AOC3: variants seen among roughly 807,000 people sequenced by gnomAD.
AOC3 encodes the protein amine oxidase [copper-containing] 3.
A neutral mutation model predicts 55.4 loss-of-function variants in AOC3; 47 were observed. The observed-to-expected ratio is 0.85, with a 90% CI of 0.67 to 1.08. AOC3 has a LOEUF of 1.08. AOC3 is among the 50% of genes least tolerant of loss of function. The pLI is 0.00. For missense variants in AOC3, 853 were observed against 993.1 expected, an observed-to-expected ratio of 0.86 and a Z score of 1.90; for synonymous variants, 386 against 410.7, an observed-to-expected ratio of 0.94 and a Z score of 0.73.
rs558176347 is a variant in AOC3, at chr17:42,852,494, A to C, written c.1151A>C (p.Tyr384Ser). Residue 384 changes from tyrosine to serine, a missense_variant, in exon 1 of 4, where the codon TAT becomes TCT. Coordinates refer to ENST00000308423, the MANE Select transcript of AOC3 (RefSeq NM_003734.4). ...TCCCCAGCAGCAATGACGACCCGCT[A>C]TGTGGATGGAGGCTTTGGCATGGGC... ...GNSPAAMTTR[Y>S]VDGGFGMGKY... is the part of the protein sequence containing the mutation. The C allele has an allele frequency of 2.5e-6, 4 of 1,614,092 alleles. No individual in the cohort carries two copies. The highest frequency in any genetic ancestry group is 3.4e-6 in the Non-Finnish European group (4 of 1,180,042).
chr17:42,854,640 G>A lies in AOC3; in HGVS notation c.1793G>A (p.Gly598Asp), dbSNP rs1353785439. The change falls in exon 2 of 4, where the codon GGT becomes GAT. Residue 598 changes from glycine to aspartate, a missense_variant. Physicochemically the swap from Gly to Asp is moderately conservative, Grantham distance 94. Coordinates refer to ENST00000308423, the MANE Select transcript of AOC3 (RefSeq NM_003734.4). ...GCCAGCAACCACAGCAACAAGTGGGGTCACCCCCGGGGCTACCGCATCCAG... is the reference window on the plus strand; with the variant it reads ...GCCAGCAACCACAGCAACAAGTGGGATCACCCCCGGGGCTACCGCATCCAG... ...YLASNHSNKW[G>D]HPRGYRIQML... 3.8e-6 allele frequency: 6 copies of A among 1,580,122 alleles called. No individual in the cohort carries two copies. The highest frequency in any genetic ancestry group is 2.7e-5 in the African/African-American group (2 of 73,826).
chr17:42,857,818 G>A lies in AOC3; in HGVS notation c.*1268G>A, dbSNP rs1401477639. 2 of 152,196 alleles carry A rather than the reference G, an allele frequency of 1.3e-5. No homozygotes were observed. The highest frequency in any genetic ancestry group is 2.4e-5 in the African/African-American group (1 of 41,448). 9.4% of individuals were successfully genotyped at this position (152,196 alleles called of 1,614,324 possible). ...CAGCCTTACAATACAATAGTATGCA[G>A]CTAAAAAATAATTGTATGTCTTTAT... On this transcript the variant is annotated 3_prime_UTR_variant, in exon 4 of 4. Coordinates refer to ENST00000308423, the MANE Select transcript of AOC3 (RefSeq NM_003734.4).
Position 42,856,735 on chromosome 17 carries a change from A to C in AOC3, c.*185A>C, listed in dbSNP as rs35890226. The C allele has an allele frequency of 3.8e-5, 26 of 679,978 alleles. No individual in the cohort carries two copies. The highest frequency in any genetic ancestry group is 3.8e-4 in the African/African-American group (21 of 55,318). 42.1% of individuals were successfully genotyped at this position (679,978 alleles called of 1,614,324 possible). ...CTCCTGACCCTGTGATGCCTGACAC[A>C]GGGGACACTGAACCTTGTTGATGCC... On this transcript the variant is annotated 3_prime_UTR_variant, in exon 4 of 4. Coordinates refer to ENST00000308423, the MANE Select transcript of AOC3 (RefSeq NM_003734.4).
At chr17:42,853,091 G>T in intron 1 of AOC3, 148 bp downstream of exon 1, 1 of 1,340,750 alleles carries the variant, frequency 7.5e-7, no homozygotes, top group Non-Finnish European at 9.9e-7. Context: ...GTTGGCTGCT[G>T]AGTTTTATTT....
chr17:42,851,431 G>A lies in AOC3; in HGVS notation c.88G>A (p.Gly30Arg), dbSNP rs1398969692. ...LVCVLLVGRGGDGGEPSQLPH... is the reference protein window; with the variant it reads ...LVCVLLVGRGRDGGEPSQLPH... ...TTGTGTCCTGCTGGTGGGCAGGGGT[G>A]GAGATGGGGGTGAACCCAGCCAGCT... The change falls in exon 1 of 4, where the codon GGA becomes AGA. Residue 30 changes from glycine to arginine, a missense_variant. Transcript: ENST00000308423. 1.2e-6 allele frequency: 2 copies of A among 1,614,120 alleles called. No homozygotes were observed. Among genetic ancestry groups the A allele is most frequent in the African/African-American group, 1.3e-5 (1 of 74,936 alleles).
chr17:42,852,481 A>G lies in AOC3; in HGVS notation c.1138A>G (p.Met380Val), dbSNP rs749777027. 22 of 1,614,098 alleles carry G rather than the reference A, an allele frequency of 1.4e-5. No homozygotes were observed. The highest frequency in any genetic ancestry group is 1.7e-5 in the Non-Finnish European group (20 of 1,180,048). ...CTATGGTGGAAATTCCCCAGCAGCAATGACGACCCGCTATGTGGATGGAGG... is the reference window on the plus strand; with the variant it reads ...CTATGGTGGAAATTCCCCAGCAGCAGTGACGACCCGCTATGTGGATGGAGG... ...AIYGGNSPAA[M>V]TTRYVDGGFG... The change falls in exon 1 of 4, where the codon ATG becomes GTG. Residue 380 changes from methionine to valine, a missense_variant. By Grantham distance (21) the Met-to-Val change is conservative (BLOSUM62 1). Coordinates refer to ENST00000308423, the MANE Select transcript of AOC3 (RefSeq NM_003734.4).
chr17:42,853,487 A>G (rs1339980144), intron 1 of AOC3: 7 of 805,346 alleles, frequency 8.7e-6, no homozygotes, highest in African/African-American at 1.9e-5. Flanking sequence ...AGCATTCTGG[A>G]TAGATCCTGG....
chr17:42,856,757 T>A lies in AOC3; in HGVS notation c.*207T>A. 1 of 636,678 alleles carries A rather than the reference T, an allele frequency of 1.6e-6. No homozygotes were observed. The highest frequency in any genetic ancestry group is 2.7e-6 in the Non-Finnish European group (1 of 372,244). The allele number at this position is 636,678 out of a possible 1,614,324, so 39.4% of individuals were successfully genotyped here. ...CACAGGGGACACTGAACCTTGTTGA[T>A]GCCAGCTGTACTGAGTTCTCATCCA... On this transcript the variant is annotated 3_prime_UTR_variant, in exon 4 of 4. Coordinates refer to ENST00000308423, the MANE Select transcript of AOC3 (RefSeq NM_003734.4).
At position 42,852,478 on chromosome 17, in the gene AOC3, G is replaced by A; in HGVS notation, c.1135G>A (p.Ala379Thr). 1 of 1,614,224 alleles carries A rather than the reference G, an allele frequency of 6.2e-7. No homozygotes were observed. The highest frequency in any genetic ancestry group is 1.1e-5 in the South Asian group (1 of 91,086). Reference protein sequence around the residue: ...LAIYGGNSPAAMTTRYVDGGF... With the variant: ...LAIYGGNSPATMTTRYVDGGF... ...CATCTATGGTGGAAATTCCCCAGCAGCAATGACGACCCGCTATGTGGATGG... is the reference window on the plus strand; with the variant it reads ...CATCTATGGTGGAAATTCCCCAGCAACAATGACGACCCGCTATGTGGATGG... The change falls in exon 1 of 4, where the codon GCA (alanine) becomes ACA (threonine). Residue 379 changes from alanine to threonine, a missense_variant. Ala to Thr is a moderately conservative substitution (Grantham distance 58). Transcript: ENST00000308423.
rs112059383 is a variant in AOC3, at chr17:42,852,636, G to A, written c.1293G>A (p.Val431=). The A allele has an allele frequency of 4.6e-5, 74 of 1,614,226 alleles. 3 individuals carry two copies. The highest frequency in any genetic ancestry group is 3.6e-4 in the African/African-American group (27 of 75,062). Residue 431 remains valine (V), a synonymous_variant, in exon 1 of 4, where the codon GTG becomes GTA. Transcript: ENST00000308423. ...APKTIRDAFC[V]FEQNQGLPLR... ...AGACAATACGTGATGCCTTTTGTGT[G>A]TTTGAACAGAACCAGGGCCTCCCCC...
In AOC3 at chr17:42,856,406, C is replaced by T. The variant is rs772912749; in HGVS notation, c.2148C>T (p.Ser716=). The change falls in exon 4 of 4, where the codon TCC becomes TCT. Residue 716 remains serine (S), a synonymous_variant. Transcript: ENST00000308423. Reference sequence around the variant, plus strand: ...ATAACTTCTTTGACGAAGACCCCTCCTTCTACTCTGCCGACTCCATCTACT... The same window carrying T: ...ATAACTTCTTTGACGAAGACCCCTCTTTCTACTCTGCCGACTCCATCTACT... ...RPYNFFDEDP[S]FYSADSIYFR... is the part of the protein sequence containing the mutation. 1.4e-5 allele frequency: 22 copies of T among 1,614,018 alleles called. No homozygotes were observed. The highest frequency in any genetic ancestry group is 3.4e-6 in the Non-Finnish European group (4 of 1,180,042).
In AOC3 at chr17:42,851,831, C is replaced by T. The variant is rs1339603613; in HGVS notation, c.488C>T (p.Pro163Leu). The change falls in exon 1 of 4, where the codon CCC becomes CTC. Residue 163 changes from proline (P) to leucine (L), a missense_variant. Pro to Leu is a moderately conservative substitution (Grantham distance 98). Coordinates refer to ENST00000308423, the MANE Select transcript of AOC3 (RefSeq NM_003734.4). ...GTGACTGTGGAGCGTCATGGAGGCC[C>T]CCTGCCCTATCACCGACGCCCCGTG... is the stretch of plus-strand genomic sequence containing the variant. ...RDVTVERHGG[P>L]LPYHRRPVLF... The T allele has an allele frequency of 3.7e-6, 6 of 1,613,510 alleles. No individual in the cohort carries two copies. Among genetic ancestry groups the T allele is most frequent in the East Asian group, 2.2e-5 (1 of 44,882 alleles).
chr17:42,854,409 A>C, intron 1 of AOC3, 39 bp from the exon 2 acceptor site: 4 of 1,451,722 alleles, frequency 2.8e-6, no homozygotes, highest in Non-Finnish European at 3.6e-6. Context: ...GGGCCAGGGC[A>C]GTTGCCTGAC....
chr17:42,853,334 T>G, intron 1 of AOC3: 1 of 1,022,802 alleles, frequency 9.8e-7, no homozygotes, highest in Non-Finnish European at 1.2e-6. Flanking sequence ...GAGGATCTCT[T>G]TGCATTCTAC....
chr17:42,851,378 T>G lies in AOC3; in HGVS notation c.35T>G (p.Leu12Arg), dbSNP rs979114421. The G allele has an allele frequency of 1.2e-6, 2 of 1,610,874 alleles. No homozygotes were observed. The highest frequency in any genetic ancestry group is 1.3e-5 in the African/African-American group (1 of 75,014). The change falls in exon 1 of 4, where the codon CTG becomes CGG. Residue 12 changes from leucine (L) to arginine (R), a missense_variant. Coordinates refer to ENST00000308423, the MANE Select transcript of AOC3 (RefSeq NM_003734.4). ...AAGACAATCCTCGTGCTCCTCATTC[T>G]GGCCGTCATCACCATCTTTGCCTTG... ...NQKTILVLLI[L>R]AVITIFALVC...
At position 42,851,382 on chromosome 17, in the gene AOC3, C is replaced by T. The variant is rs199563140; in HGVS notation, c.39C>T (p.Ala13=). The change falls in exon 1 of 4, where the codon GCC becomes GCT. Residue 13 remains alanine, a synonymous_variant. Coordinates refer to ENST00000308423, the MANE Select transcript of AOC3 (RefSeq NM_003734.4). ...QKTILVLLIL[A]VITIFALVCV... ...CAATCCTCGTGCTCCTCATTCTGGCCGTCATCACCATCTTTGCCTTGGTTT... is the reference window on the plus strand; with the variant it reads ...CAATCCTCGTGCTCCTCATTCTGGCTGTCATCACCATCTTTGCCTTGGTTT... The T allele has an allele frequency of 1.4e-5, 22 of 1,611,016 alleles. No homozygotes were observed. Among genetic ancestry groups the T allele is most frequent in the Non-Finnish European group, 1.7e-5 (20 of 1,178,348 alleles).
rs1296060172 is a variant in AOC3, at chr17:42,856,718, C to T, written c.*168C>T. 8.1e-6 allele frequency: 6 copies of T among 737,018 alleles called. No individual in the cohort carries two copies. In the Admixed American group the frequency reaches 1.5e-4, roughly 18 times the overall value. The allele number at this position is 737,018 out of a possible 1,614,324, so 45.7% of individuals were successfully genotyped here. On this transcript the variant is annotated 3_prime_UTR_variant, in exon 4 of 4. Coordinates refer to ENST00000308423, the MANE Select transcript of AOC3 (RefSeq NM_003734.4). The stretch of plus-strand genomic sequence containing the variant: ...GCCTCTGAGCCAGGAGCCTCCTGAC[C>T]CTGTGATGCCTGACACAGGGGACAC...
rs760324086 is a variant in AOC3 at position 42,851,949 on chromosome 17, G to A, written c.606G>A (p.Lys202=). The A allele has an allele frequency of 3.1e-6, 5 of 1,613,662 alleles. No individual in the cohort carries two copies. In the African/African-American group the frequency reaches 6.7e-5, roughly 22 times the overall value. ...TTCTCCACCACTGTTGCTTCTACAA[G>A]CACCGGGGACGGAACCTGGTGACAA... is the stretch of plus-strand genomic sequence containing the variant. The part of the protein sequence containing the change: ...SGLLHHCCFY[K]HRGRNLVTMT... Residue 202 remains lysine (K), a synonymous_variant, in exon 1 of 4, where the codon AAG becomes AAA. Coordinates refer to ENST00000308423, the MANE Select transcript of AOC3 (RefSeq NM_003734.4).
intron 1 of AOC3, chr17:42,853,463 C>T: frequency 1.1e-6 from 1 of 920,246 alleles, no homozygotes; most frequent in Non-Finnish European, 1.3e-6. Context: ...TGAGGGGTCA[C>T]ATGGATCCCG....
Sources: gnomAD v4.1 joint callset for allele counts on GRCh38, gnomAD v4.1.1 for gene constraint, MANE v1.5 for transcripts, NCBI Gene and HGNC (gene_info 2026-07-23, HGNC 2026-07-21) for gene names.